The following SORCS2 variants were observed in gnomAD, a reference collection of about 807,000 sequenced individuals.
SORCS2 encodes sortilin related VPS10 domain containing receptor 2.
Under a neutral mutation model 141.6 loss-of-function variants are expected in SORCS2, and 100 were observed. The ratio of observed to expected loss-of-function variants is 0.71; its 90% CI spans 0.60 to 0.83. The LOEUF is 0.83. Ranked by LOEUF, SORCS2 falls within the 40% of genes least tolerant of loss-of-function variation. The pLI is 0.00. For missense variants in SORCS2, 1,646 were observed against 1,560.2 expected, an observed-to-expected ratio of 1.05 and a Z score of -0.93; for synonymous variants, 789 against 676.9, an observed-to-expected ratio of 1.17 and a Z score of -2.57.
chr4:7,323,500 A>G (rs1304539369), intron 1 of SORCS2, among the ~76,000 whole-genome samples: 5 of 152,104 alleles, frequency 3.3e-5, no homozygotes, highest in Admixed American at 3.3e-4. Context: ...TCCCACACCC[A>G]TGGCTCTGAG....
Position 7,312,118 on chromosome 4 carries a change from G to A in SORCS2, c.481-84170G>A, listed in dbSNP as rs1013703283. Among the ~76,000 whole-genome samples the A allele has an allele frequency of 5.9e-5, 9 of 152,232 alleles. No homozygotes were observed. The South Asian group carries it at 1.2e-3, about 21-fold the overall frequency. ...TCTCTATATCTTGACCCTGTGATCCGCCCACCTTGGCCTCCCAAAGTGCTG... is the reference window on the plus strand; with the variant it reads ...TCTCTATATCTTGACCCTGTGATCCACCCACCTTGGCCTCCCAAAGTGCTG... On this transcript the variant is annotated intron_variant, in intron 1 of 26. Transcript: ENST00000507866.
At chr4:7,697,622 G>A (rs550012129) in intron 12 of SORCS2, among the ~76,000 whole-genome samples, 1 of 152,332 alleles carries the variant, frequency 6.6e-6, no homozygotes, top group African/African-American at 2.4e-5. Flanking sequence ...ACAGGGAGGA[G>A]GTCCCAGCCA....
intron 1 of SORCS2, among the ~76,000 whole-genome samples, chr4:7,268,132 G>A (rs1175649196): frequency 1.3e-5 from 2 of 152,216 alleles, no homozygotes; most frequent in Non-Finnish European, 2.9e-5. Flanking sequence ...TTGTGGGGCA[G>A]TCCATGGCCT....
At chr4:7,628,414 G>A (rs1383919368) in intron 3 of SORCS2, among the ~76,000 whole-genome samples, 1 of 151,998 alleles carries the variant, frequency 6.6e-6, no homozygotes, top group Non-Finnish European at 1.5e-5. Context: ...AGCTACTAGG[G>A]AGGCTGAGGC....
intron 3 of SORCS2, among the ~76,000 whole-genome samples, chr4:7,562,510 G>A (rs1444236281): frequency 1.3e-5 from 2 of 152,128 alleles, no homozygotes; most frequent in Non-Finnish European, 2.9e-5. Flanking sequence ...AGGGCTAGAT[G>A]GTACATACTT....
intron 3 of SORCS2, among the ~76,000 whole-genome samples, chr4:7,583,299 G>T (rs1038714225): frequency 7.9e-5 from 12 of 152,258 alleles, no homozygotes; most frequent in South Asian, 2.1e-4. Context: ...GAGGGAAGAT[G>T]TCACTGATGG....
chr4:7,502,654 G>C (rs972299099), intron 2 of SORCS2, among the ~76,000 whole-genome samples: 4 of 152,220 alleles, frequency 2.6e-5, no homozygotes, highest in African/African-American at 9.6e-5. Context: ...GAGTACACGT[G>C]AGATGCAGAG....
At chr4:7,322,640 C>T (rs928249813) in intron 1 of SORCS2, among the ~76,000 whole-genome samples, 3 of 152,186 alleles carry the variant, frequency 2.0e-5, no homozygotes, top group Admixed American at 1.3e-4. Context: ...GACAGCCCAA[C>T]CCCCTTGTCC....
At chr4:7,378,454 G>A (rs183204624) in intron 1 of SORCS2, among the ~76,000 whole-genome samples, 22 of 152,278 alleles carry the variant, frequency 1.4e-4, no homozygotes, top group Admixed American at 1.2e-3. Context: ...AAGCAAACAC[G>A]TCCTTCTTCA....
intron 3 of SORCS2, among the ~76,000 whole-genome samples, chr4:7,595,698 C>G (rs1017249582): frequency 3.9e-5 from 6 of 152,182 alleles, no homozygotes; most frequent in Admixed American, 2.0e-4. Flanking sequence ...GTCCTGTGCA[C>G]AGGGCCTGGC....
At chr4:7,337,098 A>G (rs1720034769) in intron 1 of SORCS2, among the ~76,000 whole-genome samples, 2 of 152,186 alleles carry the variant, frequency 1.3e-5, no homozygotes, top group Non-Finnish European at 2.9e-5. Flanking sequence ...AGTCCATGTC[A>G]TGACCCACTC....
chr4:7,192,706 G>A lies in SORCS2; in HGVS notation c.60G>A (p.Pro20=). The A allele has an allele frequency of 1.0e-6, 1 of 989,372 alleles. No homozygotes were observed. Among genetic ancestry groups the A allele is most frequent in the Non-Finnish European group, 1.2e-6 (1 of 834,154 alleles). The allele number at this position is 989,372 out of a possible 1,614,324, so 61.3% of individuals were successfully genotyped here. The change falls in exon 1 of 27, where the codon CCG becomes CCA. Residue 20 remains proline, a synonymous_variant. Transcript: ENST00000507866. This position sits in a 1 kb window ranked among gnomAD's most constrained non-coding sequence, Gnocchi z 4.0. Reference sequence around the variant, plus strand: ...GCCCCGGCCCCACCGCCCGAGCCCCGAGCCCCGGGGCTCCGCCGCCGCCGC... The same window carrying A: ...GCCCCGGCCCCACCGCCCGAGCCCCAAGCCCCGGGGCTCCGCCGCCGCCGC... ...SKGPGPTARA[P]SPGAPPPPRS...
At chr4:7,341,381 A>G (rs566086260) in intron 1 of SORCS2, among the ~76,000 whole-genome samples, 1 of 152,276 alleles carries the variant, frequency 6.6e-6, no homozygotes, top group East Asian at 1.9e-4. Flanking sequence ...AAATGGAGCA[A>G]TCCTCCCAGC....
At chr4:7,347,525 G>A (rs1214292844) in intron 1 of SORCS2, among the ~76,000 whole-genome samples, 1 of 152,230 alleles carries the variant, frequency 6.6e-6, no homozygotes, top group East Asian at 1.9e-4. Flanking sequence ...AAGAACTTGA[G>A]TGAGGCCCAG....
intron 3 of SORCS2, among the ~76,000 whole-genome samples, chr4:7,597,709 G>C (rs571857405): frequency 2.0e-5 from 3 of 148,636 alleles, no homozygotes; most frequent in African/African-American, 7.5e-5. Flanking sequence ...ATATTGCAAG[G>C]GGGGAGAGGC....
At chr4:7,315,092 C>T (rs991734267) in intron 1 of SORCS2, among the ~76,000 whole-genome samples, 2 of 152,172 alleles carry the variant, frequency 1.3e-5, no homozygotes, top group Non-Finnish European at 2.9e-5. Flanking sequence ...CTCGGCCTCC[C>T]AAAGTGCTGG....
At position 7,258,887 on chromosome 4, in the gene SORCS2, A is replaced by AT. The variant is rs559912170; in HGVS notation, c.480+65768dup. ...TCTCTGATGACCAGTGATGATGAGC[A>AT]TTTTTTTCATACGTTTGTTGGCTGC... On this transcript the variant is annotated intron_variant, in intron 1 of 26. Coordinates refer to ENST00000507866, the MANE Select transcript of SORCS2 (RefSeq NM_020777.3). 7.2e-5 allele frequency among the ~76,000 whole-genome samples: 11 copies of AT among 152,186 alleles called. No homozygotes were observed. The South Asian group carries it at 2.1e-3, about 29-fold the overall frequency.
intron 3 of SORCS2, among the ~76,000 whole-genome samples, chr4:7,590,148 G>C (rs1716819599): frequency 6.6e-6 from 1 of 152,210 alleles, no homozygotes; most frequent in Non-Finnish European, 1.5e-5. Flanking sequence ...CACCCTGCCA[G>C]GGTACTGCCT....
intron 4 of SORCS2, among the ~76,000 whole-genome samples, chr4:7,638,930 G>A (rs996779301): frequency 6.6e-6 from 1 of 152,206 alleles, no homozygotes; most frequent in African/African-American, 2.4e-5. Context: ...GCGGTGGCTT[G>A]TTCTTCCCCA....
Sources: gnomAD v4.1 joint callset for allele counts (sites outside exome capture counted in the v4.1 genomes callset) on GRCh38, gnomAD v4.1.1 for gene constraint, Gnocchi (gnomAD v3.1) non-coding constraint, MANE v1.5 for transcripts, NCBI Gene and HGNC (gene_info 2026-07-23, HGNC 2026-07-21) for gene names.